LRMDA: variants seen among roughly 807,000 people sequenced by gnomAD.
LRMDA encodes leucine-rich melanocyte differentiation-associated protein.
In LRMDA, 18 loss-of-function variants were observed where a neutral mutation model predicts 29.8. The observed-to-expected ratio is 0.60, with a 90% CI of 0.42 to 0.90. The LOEUF (loss-of-function observed/expected upper bound fraction) is 0.90. LRMDA is among the 40% of genes least tolerant of loss of function. The probability of loss-of-function intolerance (pLI) is 0.00; values close to 1 mark genes in which losing one functional copy is unlikely to be tolerated. For synonymous variants in LRMDA, 125 were observed against 109.4 expected (o/e 1.14, Z -0.89); for missense variants, 273 against 273.9 (o/e 1.00, Z 0.02).
At chr10:75,600,293 C>G (rs530012329) in intron 2 of LRMDA, among the ~76,000 whole-genome samples, 2 of 152,192 alleles carry the variant, frequency 1.3e-5, no homozygotes, top group Admixed American at 6.5e-5. Flanking sequence ...AAATCTGAAA[C>G]AGCTTAGAGG....
At chr10:76,360,727 G>A (rs963277483) in intron 6 of LRMDA, among the ~76,000 whole-genome samples, 52 of 152,088 alleles carry the variant, frequency 3.4e-4, no homozygotes, top group Admixed American at 1.5e-3. Flanking sequence ...GACATATTTG[G>A]TGGATGCTGG....
intron 2 of LRMDA, among the ~76,000 whole-genome samples, chr10:75,674,608 A>C (rs962732827): frequency 3.9e-5 from 6 of 152,182 alleles, no homozygotes; most frequent in African/African-American, 1.2e-4. Context: ...CCACCGCTTC[A>C]GATAATTGTC....
chr10:75,877,875 T>G (rs1256741678), intron 2 of LRMDA, among the ~76,000 whole-genome samples: 1 of 152,158 alleles, frequency 6.6e-6, no homozygotes, highest in African/African-American at 2.4e-5. Context: ...TGAAGCAGAC[T>G]GGAACCTTTC....
intron 5 of LRMDA, among the ~76,000 whole-genome samples, chr10:76,116,240 C>T (rs567286243): frequency 6.6e-6 from 1 of 152,130 alleles, no homozygotes; most frequent in South Asian, 2.1e-4. Flanking sequence ...GGGCCAACAC[C>T]TATACATTGT....
At chr10:75,845,672 T>C (rs1031932144) in intron 2 of LRMDA, among the ~76,000 whole-genome samples, 3 of 152,216 alleles carry the variant, frequency 2.0e-5, no homozygotes, top group Non-Finnish European at 4.4e-5. Context: ...CCATCAGCTC[T>C]TCTCTTATTT....
At chr10:76,370,619 C>G (rs933084998) in intron 6 of LRMDA, among the ~76,000 whole-genome samples, 1 of 152,090 alleles carries the variant, frequency 6.6e-6, no homozygotes, top group Non-Finnish European at 1.5e-5. Flanking sequence ...GAGAGAAAGA[C>G]TATATTCGTA....
At chr10:76,294,816 A>T (rs758287817) in intron 5 of LRMDA, among the ~76,000 whole-genome samples, 2 of 152,152 alleles carry the variant, frequency 1.3e-5, no homozygotes, top group Non-Finnish European at 2.9e-5. Flanking sequence ...TATTTGACTG[A>T]GGTTTGATAT....
At chr10:75,632,794 T>TG (rs1351399454) in intron 2 of LRMDA, among the ~76,000 whole-genome samples, 13 of 137,816 alleles carry the variant, frequency 9.4e-5, no homozygotes, top group Admixed American at 5.7e-4. Context: ...TTTTTTTTTT[T>TG]TTTTTTTTTT....
intron 6 of LRMDA, among the ~76,000 whole-genome samples, chr10:76,329,785 T>C (rs1840882002): frequency 6.6e-6 from 1 of 152,190 alleles, no homozygotes; most frequent in Non-Finnish European, 1.5e-5. Flanking sequence ...TATATCTCCA[T>C]GAAGCAGCTC....
At chr10:75,917,676 G>A (rs917111306) in intron 2 of LRMDA, among the ~76,000 whole-genome samples, 1 of 152,132 alleles carries the variant, frequency 6.6e-6, no homozygotes, top group Admixed American at 6.5e-5. Flanking sequence ...GCCCCAGAAT[G>A]GTGCAATGAG....
At chr10:76,530,066 C>T (rs903656113) in intron 6 of LRMDA, among the ~76,000 whole-genome samples, 1 of 152,104 alleles carries the variant, frequency 6.6e-6, no homozygotes, top group Non-Finnish European at 1.5e-5. Flanking sequence ...CCACTAATAG[C>T]AGAGGTGCAA....
intron 2 of LRMDA, among the ~76,000 whole-genome samples, chr10:75,673,210 T>C (rs895476277): frequency 1.3e-5 from 2 of 152,048 alleles, no homozygotes; most frequent in African/African-American, 4.8e-5. Context: ...AAGTGGGCTG[T>C]GGGGTTGAAG....
chr10:75,676,661 C>G (rs1445936882), intron 2 of LRMDA, among the ~76,000 whole-genome samples: 1 of 152,172 alleles, frequency 6.6e-6, no homozygotes, highest in Non-Finnish European at 1.5e-5. Context: ...CACACTTCTG[C>G]TTGCTCTGGC....
intron 2 of LRMDA, among the ~76,000 whole-genome samples, chr10:76,035,280 C>A (rs1401820940): frequency 6.6e-6 from 1 of 151,872 alleles, no homozygotes; most frequent in African/African-American, 2.4e-5. Context: ...TCCCAACCCC[C>A]GTCTCCCCAC....
At chr10:75,913,582 C>T (rs915306885) in intron 2 of LRMDA, among the ~76,000 whole-genome samples, 1 of 152,208 alleles carries the variant, frequency 6.6e-6, no homozygotes, top group Non-Finnish European at 1.5e-5. Flanking sequence ...AGAAGTGAGC[C>T]CTGCCTTTTG....
chr10:76,033,434 C>G (rs1372380436), intron 2 of LRMDA, among the ~76,000 whole-genome samples: 1 of 152,130 alleles, frequency 6.6e-6, no homozygotes, highest in African/African-American at 2.4e-5. Flanking sequence ...GCGTGGATTT[C>G]TGCCCCATAG....
intron 6 of LRMDA, among the ~76,000 whole-genome samples, chr10:76,526,388 C>T (rs1843174494): frequency 6.6e-6 from 1 of 152,156 alleles, no homozygotes; most frequent in Non-Finnish European, 1.5e-5. Context: ...ATGGTTGCTA[C>T]TGCTCCTGGC....
intron 2 of LRMDA, among the ~76,000 whole-genome samples, chr10:75,704,808 C>G (rs980978138): frequency 2.0e-5 from 3 of 152,194 alleles, no homozygotes; most frequent in African/African-American, 7.2e-5. Flanking sequence ...AGTTTCTTAC[C>G]TTTCTGCACT....
At chr10:75,965,614 T>C (rs1846845493) in intron 2 of LRMDA, among the ~76,000 whole-genome samples, 1 of 152,184 alleles carries the variant, frequency 6.6e-6, no homozygotes, top group South Asian at 2.1e-4. Context: ...ACCAAAACTC[T>C]ACTTGTTGGG....
Sources: allele counts gnomAD v4.1 joint callset (sites outside exome capture counted in the v4.1 genomes callset), GRCh38; gene constraint gnomAD v4.1.1; transcripts MANE v1.5; gene names NCBI Gene and HGNC (gene_info 2026-07-23, HGNC 2026-07-21).